Variants in CSMD1 observed in about 807,000 individuals in gnomAD.
The protein encoded by CSMD1 is CUB and sushi domain-containing protein 1.
In CSMD1, 213 loss-of-function variants were observed where a neutral mutation model predicts 417.5. That is an observed-to-expected ratio of 0.51 (90% CI 0.46 to 0.57). CSMD1 has a LOEUF of 0.57. CSMD1 is among the 20% of genes least tolerant of loss of function. The pLI is 0.00. For missense variants in CSMD1, 6,923 were observed against 4,529.7 expected (o/e 1.53, Z -15.17); for synonymous variants, 2,862 against 1,736.8 (o/e 1.65, Z -16.11).
intron 5 of CSMD1, among the ~76,000 whole-genome samples, chr8:3,977,363 C>A (rs1042559084): frequency 1.3e-5 from 2 of 152,160 alleles, no homozygotes; most frequent in Non-Finnish European, 2.9e-5. Flanking sequence ...AAGTAGAAGG[C>A]ACTCAATACA....
intron 5 of CSMD1, among the ~76,000 whole-genome samples, chr8:3,858,879 T>C (rs1265391025): frequency 6.6e-6 from 1 of 152,164 alleles, no homozygotes; most frequent in East Asian, 1.9e-4. Context: ...ATCAGGTTTA[T>C]CGTGACAATG....
chr8:3,119,731 C>T (rs1038513830), intron 41 of CSMD1, among the ~76,000 whole-genome samples: 1 of 152,262 alleles, frequency 6.6e-6, no homozygotes, highest in African/African-American at 2.4e-5. Context: ...CACCTTTGTC[C>T]ATAAAGGCAG....
At chr8:3,710,464 A>G (rs937815119) in intron 6 of CSMD1, among the ~76,000 whole-genome samples, 1 of 152,106 alleles carries the variant, frequency 6.6e-6, no homozygotes, top group Non-Finnish European at 1.5e-5. Context: ...TCAGTAACCG[A>G]CTGTGTGTGG....
intron 7 of CSMD1, among the ~76,000 whole-genome samples, chr8:3,654,984 G>A (rs189560726): frequency 1.3e-5 from 2 of 152,170 alleles, no homozygotes; most frequent in Non-Finnish European, 2.9e-5. Context: ...AAAATGCCAG[G>A]TGTGAAGAAA....
At chr8:3,171,217 A>G (rs1399798986) in intron 37 of CSMD1, among the ~76,000 whole-genome samples, 14 of 152,196 alleles carry the variant, frequency 9.2e-5, no homozygotes, top group Admixed American at 7.2e-4. Context: ...GTATCGCATG[A>G]CTTCCTGGTG....
chr8:3,043,671 G>A (rs1400048499), intron 50 of CSMD1: 2 of 151,952 alleles, frequency 1.3e-5, no homozygotes, highest in Non-Finnish European at 2.9e-5. Flanking sequence ...TTTTTTTCAT[G>A]CAAAAATCAC....
intron 2 of CSMD1, among the ~76,000 whole-genome samples, chr8:4,490,917 C>T (rs974875145): frequency 6.6e-6 from 1 of 152,124 alleles, no homozygotes; most frequent in Non-Finnish European, 1.5e-5. Context: ...TATAACTTAT[C>T]ACAGGAGTGG....
chr8:4,175,439 G>A (rs530020357), intron 3 of CSMD1, among the ~76,000 whole-genome samples: 4 of 150,538 alleles, frequency 2.7e-5, no homozygotes, highest in African/African-American at 9.8e-5. Context: ...TTAAGTAATT[G>A]ACATCTTTAT....
At chr8:3,741,859 G>A (rs1223765533) in intron 6 of CSMD1, among the ~76,000 whole-genome samples, 1 of 152,020 alleles carries the variant, frequency 6.6e-6, no homozygotes, top group Non-Finnish European at 1.5e-5. Context: ...AAACTCTTGT[G>A]GACCAAAGGT....
chr8:4,718,434 T>G (rs1348539799), intron 1 of CSMD1, among the ~76,000 whole-genome samples: 1 of 152,188 alleles, frequency 6.6e-6, no homozygotes, highest in Non-Finnish European at 1.5e-5. Flanking sequence ...GGCTGATTCT[T>G]AAGCAGGAAT....
intron 12 of CSMD1, among the ~76,000 whole-genome samples, chr8:3,422,442 C>T (rs533888691): frequency 6.6e-6 from 1 of 152,126 alleles, no homozygotes; most frequent in East Asian, 1.9e-4. Context: ...TTGAAAGAAT[C>T]TTTCAAAAAT....
At chr8:4,846,427 G>C (rs1044422444) in intron 1 of CSMD1, among the ~76,000 whole-genome samples, 5 of 152,192 alleles carry the variant, frequency 3.3e-5, no homozygotes, top group Non-Finnish European at 7.3e-5. Context: ...CCCCAGCCAG[G>C]CTTGTCCTTG....
At chr8:3,493,445 A>C (rs1316294887) in intron 11 of CSMD1, among the ~76,000 whole-genome samples, 178 bp downstream of exon 11, 3 of 152,166 alleles carry the variant, frequency 2.0e-5, no homozygotes, top group Admixed American at 6.5e-5. Context: ...ACATACTCCT[A>C]AATTATACTC....
chr8:4,382,256 C>G (rs886470154), intron 3 of CSMD1, among the ~76,000 whole-genome samples: 1 of 152,152 alleles, frequency 6.6e-6, no homozygotes, highest in Non-Finnish European at 1.5e-5. Flanking sequence ...CCATAAAGAT[C>G]ATTGACCTGA....
intron 47 of CSMD1, among the ~76,000 whole-genome samples, chr8:3,095,415 G>A (rs188482252): frequency 6.6e-6 from 1 of 152,066 alleles, no homozygotes; most frequent in Non-Finnish European, 1.5e-5. Context: ...TAAAGAAAAA[G>A]TTGTAAATAA....
At chr8:4,471,608 G>A (rs59146225) in intron 2 of CSMD1, among the ~76,000 whole-genome samples, 1 of 152,018 alleles carries the variant, frequency 6.6e-6, no homozygotes, top group South Asian at 2.1e-4. Context: ...AAACAACCCA[G>A]AACATTACAC....
intron 7 of CSMD1, among the ~76,000 whole-genome samples, chr8:3,625,230 C>A (rs1029715319): frequency 3.3e-5 from 5 of 152,100 alleles, no homozygotes; most frequent in Non-Finnish European, 5.9e-5. Flanking sequence ...ATTATCGGAG[C>A]AACATTAGAA....
At chr8:3,883,911 T>G (rs1277956356) in intron 5 of CSMD1, among the ~76,000 whole-genome samples, 2 of 152,210 alleles carry the variant, frequency 1.3e-5, no homozygotes, top group South Asian at 2.1e-4. Flanking sequence ...ATTAAATATA[T>G]GTTAAAATAT....
intron 1 of CSMD1, among the ~76,000 whole-genome samples, chr8:4,974,854 A>G (rs77887694): frequency 0.054 from 8,238 of 152,286 alleles, 342 homozygotes; most frequent in Middle Eastern, 0.085. Context: ...ATTAAGCATT[A>G]TAACTATGTT....
Sources: allele counts gnomAD v4.1 joint callset (sites outside exome capture counted in the v4.1 genomes callset), GRCh38; gene constraint gnomAD v4.1.1; transcripts MANE v1.5; gene names NCBI Gene and HGNC (gene_info 2026-07-23, HGNC 2026-07-21).